The following PARP9 variants were observed in gnomAD, a reference collection of about 807,000 sequenced individuals.
The protein encoded by PARP9 is poly(ADP-ribose) polymerase family member 9.
PARP9 carries 48 observed loss-of-function variants against 68.8 expected under a neutral mutation model. The ratio of observed to expected loss-of-function variants is 0.70; its 90% CI spans 0.55 to 0.89. PARP9 has a LOEUF of 0.89. PARP9 is among the 40% of genes least tolerant of loss of function. The pLI, the probability that PARP9 is intolerant of heterozygous loss-of-function variation, is 0.00. For synonymous variants in PARP9, 309 were observed against 333.8 expected (o/e 0.93, Z 0.81); for missense variants, 806 against 969.3 (o/e 0.83, Z 2.24).
intron 6 of PARP9, among the ~76,000 whole-genome samples, chr3:122,548,651 C>A (rs2107666928): frequency 6.6e-6 from 1 of 152,278 alleles, no homozygotes; most frequent in South Asian, 2.1e-4. Flanking sequence ...TATTCACATG[C>A]TAGGAACTCA....
intron 3 of PARP9, among the ~76,000 whole-genome samples, chr3:122,558,003 GACCTCTTGTGGCCTC>G (rs1169415948): frequency 6.6e-6 from 1 of 152,296 alleles, no homozygotes; most frequent in African/African-American, 2.4e-5. Context: ...CTCCTAGAAA[GACCTCTTGTGGCCTC>G]AATTACCCAA....
intron 2 of PARP9, among the ~76,000 whole-genome samples, chr3:122,559,359 C>G (rs1157979875): frequency 6.6e-6 from 1 of 152,228 alleles, no homozygotes; most frequent in Non-Finnish European, 1.5e-5. Context: ...AGCAGAATCA[C>G]TAAATGAGCT....
Position 122,550,535 on chromosome 3 carries a change from GAA to G in PARP9, c.1326+47_1326+48del, listed in dbSNP as rs765160628. On this transcript the variant is annotated intron_variant, in intron 6 of 10. Coordinates refer to ENST00000682323, the MANE Select transcript of PARP9 (RefSeq NM_001146105.2). ...AGATACTAAACAGATGTTGCTGAAT[GAA>G]TGAATGAATGAATGAACAGTAGGAC... 295 of 1,397,028 alleles carry G rather than the reference GAA, an allele frequency of 2.1e-4. 2 individuals carry two copies. Among genetic ancestry groups the G allele is most frequent in the East Asian group, 2.6e-4 (11 of 42,546 alleles). The allele number at this position is 1,397,028 out of a possible 1,614,324, so 86.5% of individuals were successfully genotyped here.
chr3:122,561,330 C>T (rs2080187012), intron 1 of PARP9, among the ~76,000 whole-genome samples: 1 of 152,192 alleles, frequency 6.6e-6, no homozygotes, highest in Non-Finnish European at 1.5e-5. Flanking sequence ...CATGTTGGTG[C>T]ATGCCTATAG....
At chr3:122,530,557 G>C (rs948573035) in intron 10 of PARP9, among the ~76,000 whole-genome samples, 4 of 152,080 alleles carry the variant, frequency 2.6e-5, no homozygotes, top group African/African-American at 9.7e-5. Context: ...GGAGGCTGAG[G>C]GCCAAATTCT....
chr3:122,550,964 C>A (rs539965876), intron 5 of PARP9, among the ~76,000 whole-genome samples, 162 bp from the exon 6 acceptor site: 1 of 152,090 alleles, frequency 6.6e-6, no homozygotes, highest in Non-Finnish European at 1.5e-5. Context: ...CAGAGGGAAC[C>A]CATTATGGTA....
At chr3:122,545,324 C>T in intron 7 of PARP9, 108 bp downstream of exon 7, 1 of 1,150,218 alleles carries the variant, frequency 8.7e-7, no homozygotes, top group Non-Finnish European at 1.3e-6. Flanking sequence ...AATGCAATAC[C>T]TTTGGCTTAT....
intron 4 of PARP9, among the ~76,000 whole-genome samples, chr3:122,554,885 A>T (rs2079509267): frequency 7.0e-6 from 1 of 143,680 alleles, no homozygotes. Flanking sequence ...TGCCCTGATA[A>T]TTTTTTTTTT....
intron 8 of PARP9, among the ~76,000 whole-genome samples, chr3:122,537,439 A>G (rs780723748): frequency 1.3e-5 from 2 of 152,264 alleles, no homozygotes; most frequent in Non-Finnish European, 2.9e-5. Context: ...GCATTAGAAA[A>G]TATTAAGTAA....
chr3:122,529,234 T>TAAAAA (rs59705545), intron 10 of PARP9, among the ~76,000 whole-genome samples: 8 of 77,258 alleles, frequency 1.0e-4, no homozygotes, highest in East Asian at 4.6e-4. Flanking sequence ...GCGAAACTCT[T>TAAAAA]AAAAAAAAAA....
chr3:122,535,914 A>G (rs184977450), intron 10 of PARP9: 1 of 1,386,414 alleles, frequency 7.2e-7, no homozygotes, highest in East Asian at 2.7e-5. Flanking sequence ...GGAGAAAAAC[A>G]GTGAACCGTA....
chr3:122,558,292 T>C (rs770396937), intron 3 of PARP9, 142 bp downstream of exon 3: 10 of 1,600,304 alleles, frequency 6.2e-6, no homozygotes, highest in Non-Finnish European at 8.6e-6. Flanking sequence ...CTCTGAAGCA[T>C]GTGCGGGGGT....
At chr3:122,557,471 T>C (rs1254442434) in intron 3 of PARP9, among the ~76,000 whole-genome samples, 3 of 152,252 alleles carry the variant, frequency 2.0e-5, no homozygotes, top group Non-Finnish European at 4.4e-5. Flanking sequence ...CTCCCTGCGA[T>C]TGGCTATGAA....
chr3:122,529,233 T>TAAAAAAAAAAAA (rs1559792207), intron 10 of PARP9, among the ~76,000 whole-genome samples: 1 of 74,474 alleles, frequency 1.3e-5, no homozygotes, highest in East Asian at 6.1e-4. Context: ...AGCGAAACTC[T>TAAAAAAAAAAAA]TAAAAAAAAA....
chr3:122,529,991 A>G (rs1481327129), intron 10 of PARP9, among the ~76,000 whole-genome samples: 1 of 151,950 alleles, frequency 6.6e-6, no homozygotes, highest in Admixed American at 6.6e-5. Flanking sequence ...AGTATGGGCA[A>G]CATGGCAAAA....
chr3:122,535,003 G>A (rs2077542569), intron 10 of PARP9: 1 of 978,068 alleles, frequency 1.0e-6, no homozygotes, highest in Non-Finnish European at 1.2e-6. Flanking sequence ...TAAGAAAGAT[G>A]TGTATAGATG....
intron 2 of PARP9, among the ~76,000 whole-genome samples, chr3:122,558,907 G>A (rs375184922): frequency 1.6e-4 from 25 of 152,144 alleles, no homozygotes; most frequent in African/African-American, 6.0e-4. Context: ...GATGAGCGGA[G>A]TCTTGCTATG....
In PARP9 at chr3:122,528,485, G is replaced by A; in HGVS notation, c.2339C>T (p.Pro780Leu). The A allele has an allele frequency of 6.2e-7, 1 of 1,614,164 alleles. No individual in the cohort carries two copies. The highest frequency in any genetic ancestry group is 8.5e-7 in the Non-Finnish European group (1 of 1,180,024). Residue 780 changes from proline (P) to leucine (L), a missense_variant, in exon 11 of 11, where the codon CCT (proline) becomes CTT (leucine). Around this residue, in one of 2 missense-constraint regions of PARP9, gnomAD observed 680 missense variants for 858.8 expected, o/e 0.79. Coordinates refer to ENST00000682323, the MANE Select transcript of PARP9 (RefSeq NM_001146105.2). ...CTGGGTGCATGTCCACAAATACTGA[G>A]GTATAGCCTGCATGCCACTAAAAAT... is the stretch of plus-strand genomic sequence containing the variant. ...FVIFSGMQAIPQYLWTCTQEY... is the reference protein window; with the variant it reads ...FVIFSGMQAILQYLWTCTQEY...
At chr3:122,552,041 G>T (rs1009578089) in intron 5 of PARP9, among the ~76,000 whole-genome samples, 1 of 151,372 alleles carries the variant, frequency 6.6e-6, no homozygotes, top group Non-Finnish European at 1.5e-5. Context: ...TCAGCCTCCC[G>T]AGTAGCTGGG....
Sources: gnomAD v4.1 joint callset for allele counts (sites outside exome capture counted in the v4.1 genomes callset) on GRCh38, gnomAD v4.1.1 for gene constraint, gnomAD v4.1.1 regional missense constraint, MANE v1.5 for transcripts, NCBI Gene and HGNC (gene_info 2026-07-23, HGNC 2026-07-21) for gene names.